MYO15B: variants seen among roughly 807,000 people sequenced by gnomAD.
The protein encoded by MYO15B is myosin XVB.
In MYO15B, 207 loss-of-function variants were observed where a neutral mutation model predicts 119.3. That is an observed-to-expected ratio of 1.73 (90% confidence interval 1.55 to 1.95). The LOEUF (loss-of-function observed/expected upper bound fraction) is 1.95, where lower values mean the gene tolerates loss of function less well. Among genes scored for constraint, MYO15B ranks in the 30% most tolerant of loss-of-function variants. MYO15B has a pLI of 0.00. For synonymous variants in MYO15B, 966 were observed against 498.9 expected, an observed-to-expected ratio of 1.94 and a Z score of -12.48; for missense variants, 2,264 against 1,203.1, an observed-to-expected ratio of 1.88 and a Z score of -13.04.
rs2059027024 is a variant in MYO15B at position 75,625,989 on chromosome 17, T to C, written c.9072+12T>C. ...ACCCCAGCTCCCAGGTGGGCACAGC[T>C]CTTGCCTCAGCACTGGCCTAGGGAC... On this transcript the variant is annotated intron_variant, in intron 62 of 63. Transcript: ENST00000645453. 1.4e-6 allele frequency: 1 copy of C among 700,792 alleles called. No homozygotes were observed. The highest frequency in any genetic ancestry group is 1.5e-5 in the South Asian group (1 of 67,546). The allele number at this position is 700,792 out of a possible 1,614,324, so 43.4% of individuals were successfully genotyped here.
At chr17:75,614,913 C>T (rs1270365175) in intron 32 of MYO15B, 48 bp from the exon 33 acceptor site, 3 of 702,838 alleles carry the variant, frequency 4.3e-6, no homozygotes, top group Admixed American at 2.0e-5. Flanking sequence ...CTGCCCCTTC[C>T]ATTTTTCTCA....
Position 75,589,757 on chromosome 17 carries a change from C to G in MYO15B, c.1700C>G (p.Ala567Gly), listed in dbSNP as rs1275386506. ...AGCCGCAGCTCTGAAGAAGCGTCCG[C>G]AGATGCCCCCACGGGGGAAGGCCGA... Residue 567 changes from alanine to glycine, a missense_variant, in exon 1 of 64, where the codon GCA becomes GGA. Physicochemically the swap from Ala to Gly is moderately conservative, Grantham distance 60. Coordinates refer to ENST00000645453, the Ensembl canonical transcript of MYO15B. The surrounding 1 kb of genome is among the most constrained non-coding windows in gnomAD (Gnocchi z 4.2). The G allele has an allele frequency of 2.5e-6, 1 of 398,374 alleles. No homozygotes were observed. Among genetic ancestry groups the G allele is most frequent in the African/African-American group, 2.1e-5 (1 of 48,486 alleles). 24.7% of individuals were successfully genotyped at this position (398,374 alleles called of 1,614,324 possible).
Position 75,612,953 on chromosome 17 carries a change from C to T in MYO15B, c.4732-21C>T, listed in dbSNP as rs112561424. The T allele has an allele frequency of 2.9e-4, 201 of 688,208 alleles. 2 individuals are homozygous for T. Among genetic ancestry groups the T allele is most frequent in the African/African-American group, 2.9e-3 (163 of 57,126 alleles). 42.6% of individuals were successfully genotyped at this position (688,208 alleles called of 1,614,324 possible). ...GCCTGGGAGCCCCGCACGTCCTGTC[C>T]TTACCCGGCTGTGTCGGCAGATGCT... On this transcript the variant is annotated intron_variant, in intron 26 of 63. Transcript: ENST00000645453.
chr17:75,612,853 A>C, exon 26 of MYO15B: 4 of 702,864 alleles, frequency 5.7e-6, no homozygotes, highest in Non-Finnish European at 1.0e-5. Context: ...ACCCAGCTGG[A>C]TGGAGACAAC....
intron 53 of MYO15B, among the ~76,000 whole-genome samples, chr17:75,622,529 A>C (rs1205282148): frequency 6.6e-6 from 1 of 152,226 alleles, no homozygotes; most frequent in Non-Finnish European, 1.5e-5. Flanking sequence ...CCAGGCCACC[A>C]CAGGCCTTGT....
chr17:75,603,178 G>T lies in MYO15B; in HGVS notation c.3892-10G>T. The T allele has an allele frequency of 2.8e-6, 2 of 703,064 alleles. No individual in the cohort carries two copies. Among genetic ancestry groups the T allele is most frequent in the Non-Finnish European group, 5.2e-6 (2 of 385,022 alleles). The allele number at this position is 703,064 out of a possible 1,614,324, so 43.6% of individuals were successfully genotyped here. ...CTCCAGCTGTCTTTGGCTCTGTCTT[G>T]TGGCCACAGCTTCCAGGCCTCTTTG... On this transcript the variant is annotated splice_polypyrimidine_tract_variant and intron_variant, in intron 18 of 63. Transcript: ENST00000645453.
At chr17:75,620,513 C>T (rs780760203) in exon 49 of MYO15B, 30 of 702,822 alleles carry the variant, frequency 4.3e-5, no homozygotes, top group African/African-American at 3.3e-4. Flanking sequence ...TCTTTCCTGC[C>T]GACATAGTGC....
chr17:75,615,248 G>T lies in MYO15B; in HGVS notation c.5650G>T (p.Gly1884Ter). The change falls in exon 34 of 64, where the codon GGA becomes TGA. Residue 1884 changes from glycine to a stop codon, truncating the protein, a stop_gained. Coordinates refer to ENST00000645453, the Ensembl canonical transcript of MYO15B. LOFTEE classifies it high-confidence loss of function. ...AGGGCGTGTTCCCTCAGTGTACCCAGGAATGATTCAGATGCCTGCATACCA... is the reference window on the plus strand; with the variant it reads ...AGGGCGTGTTCCCTCAGTGTACCCATGAATGATTCAGATGCCTGCATACCA... The T allele has an allele frequency of 1.4e-6, 1 of 702,538 alleles. No homozygotes were observed. The highest frequency in any genetic ancestry group is 2.7e-5 in the East Asian group (1 of 37,286). The allele number at this position is 702,538 out of a possible 1,614,324, so 43.5% of individuals were successfully genotyped here. A position where few individuals can be genotyped will look rare whatever the true frequency, so the allele number is the denominator to read the frequency against.
chr17:75,608,699 G>A (rs2057809993), intron 21 of MYO15B, among the ~76,000 whole-genome samples: 1 of 151,714 alleles, frequency 6.6e-6, no homozygotes, highest in Admixed American at 6.6e-5. Context: ...CTGGGATTAC[G>A]GGCATAGGCC....
Position 75,621,290 on chromosome 17 carries a change from G to A in MYO15B, c.7872-55G>A, listed in dbSNP as rs115767978. The A allele has an allele frequency of 1.3e-3, 886 of 671,300 alleles. 3 individuals are homozygous for A. Among genetic ancestry groups the A allele is most frequent in the African/African-American group, 0.013 (728 of 56,854 alleles). 41.6% of individuals were successfully genotyped at this position (671,300 alleles called of 1,614,324 possible). On this transcript the variant is annotated intron_variant, in intron 50 of 63. Coordinates refer to ENST00000645453, the Ensembl canonical transcript of MYO15B. ...TAGCACTCTCCCTGCCTGGCTGGCTGGGATGAAGGCAGGAGGGCCAAACAA... is the reference window on the plus strand; with the variant it reads ...TAGCACTCTCCCTGCCTGGCTGGCTAGGATGAAGGCAGGAGGGCCAAACAA...
intron 25 of MYO15B, 143 bp from the exon 26 acceptor site, chr17:75,612,655 C>T (rs1598851300): frequency 2.3e-5 from 13 of 567,830 alleles, no homozygotes; most frequent in African/African-American, 1.1e-4. Flanking sequence ...ACAGACAAGA[C>T]TCTGCCTCAA....
exon 50 of MYO15B, chr17:75,621,120 C>G: frequency 1.4e-6 from 1 of 702,830 alleles, no homozygotes; most frequent in South Asian, 1.5e-5. Context: ...TGCCCGACTC[C>G]CACAGCTACA....
exon 17 of MYO15B, chr17:75,602,898 C>T (rs1199569001): frequency 1.5e-6 from 1 of 687,854 alleles, no homozygotes; most frequent in Non-Finnish European, 2.7e-6. Context: ...CCACGCTGGC[C>T]TCTCGCTTCC....
At chr17:75,617,574 T>TCACAGAGACACATACCCGACAGCTC in intron 41 of MYO15B, 1 of 568,172 alleles carries the variant, frequency 1.8e-6, no homozygotes. Context: ...TGTGAGGAAG[T>TCACAGAGACACATACCCGACAGCTC]TAGTGGCCCT....
intron 4 of MYO15B, 38 bp from the exon 5 acceptor site, chr17:75,591,563 C>T: frequency 1.4e-6 from 1 of 702,440 alleles, no homozygotes; most frequent in Non-Finnish European, 2.6e-6. Context: ...GTCCTATGTG[C>T]CCCTCCCTGG....
chr17:75,626,242 C>T lies in MYO15B; in HGVS notation c.9213+14C>T, dbSNP rs1457082166. Reference sequence around the variant, plus strand: ...GAGCTGCCACAGGTGAGTGGCCAGGCCTCTGGCCACCTTGCGAAGGTGGAT... The same window carrying T: ...GAGCTGCCACAGGTGAGTGGCCAGGTCTCTGGCCACCTTGCGAAGGTGGAT... On this transcript the variant is annotated intron_variant, in intron 63 of 63. Transcript: ENST00000645453. 4.3e-6 allele frequency: 3 copies of T among 702,244 alleles called. No homozygotes were observed. The highest frequency in any genetic ancestry group is 5.4e-5 in the East Asian group (2 of 37,284). The allele number at this position is 702,244 out of a possible 1,614,324, so 43.5% of individuals were successfully genotyped here.
chr17:75,589,730 G>T lies in MYO15B; in HGVS notation c.1673G>T (p.Ser558Ile). The T allele has an allele frequency of 2.5e-6, 1 of 398,790 alleles. No homozygotes were observed. The highest frequency in any genetic ancestry group is 4.4e-6 in the Non-Finnish European group (1 of 226,046). 24.7% of individuals were successfully genotyped at this position (398,790 alleles called of 1,614,324 possible). A position where few individuals can be genotyped will look rare whatever the true frequency, so the allele number is the denominator to read the frequency against. Residue 558 changes from serine (S) to isoleucine (I), a missense_variant, in exon 1 of 64, where the codon AGC (serine) becomes ATC (isoleucine). Physicochemically the swap from Ser to Ile is moderately radical, Grantham distance 142. Coordinates refer to ENST00000645453, the Ensembl canonical transcript of MYO15B. This position sits in a 1 kb window ranked among gnomAD's most constrained non-coding sequence, Gnocchi z 4.2. ...ATCCACAGGGCAGGGCGGGCGTCGA[G>T]CAGCCGCAGCTCTGAAGAAGCGTCC...
chr17:75,626,668 C>A (rs2148199496), exon 64 of MYO15B, among the ~76,000 whole-genome samples: 1 of 152,372 alleles, frequency 6.6e-6, no homozygotes, highest in South Asian at 2.1e-4. Flanking sequence ...AAGAAAACAG[C>A]CAGACCCTCT....
At position 75,589,129 on chromosome 17, in the gene MYO15B, C is replaced by A. The variant is rs530929129; in HGVS notation, c.1072C>A (p.Pro358Thr). The change falls in exon 1 of 64, where the codon CCC becomes ACC. Residue 358 changes from proline (P) to threonine (T), a missense_variant. Pro to Thr is a conservative substitution (Grantham distance 38, BLOSUM62 -1). Coordinates refer to ENST00000645453, the Ensembl canonical transcript of MYO15B. This position sits in a 1 kb window ranked among gnomAD's most constrained non-coding sequence, Gnocchi z 4.2. ...AGGCGCCGCTTCCCAGGCCGTGGGCCCCCGCCGCGCTGGCCTCAAGGAGCG... is the reference window on the plus strand; with the variant it reads ...AGGCGCCGCTTCCCAGGCCGTGGGCACCCGCCGCGCTGGCCTCAAGGAGCG... The A allele has an allele frequency of 2.5e-4, 96 of 391,460 alleles. 1 individual carries two copies. The highest frequency in any genetic ancestry group is 1.9e-3 in the Middle Eastern group (3 of 1,546). The allele number at this position is 391,460 out of a possible 1,614,324, so 24.2% of individuals were successfully genotyped here. A position where few individuals can be genotyped will look rare whatever the true frequency, so the allele number is the denominator to read the frequency against.
Sources: gnomAD v4.1 joint callset for allele counts (sites outside exome capture counted in the v4.1 genomes callset) on GRCh38, gnomAD v4.1.1 for gene constraint, Gnocchi (gnomAD v3.1) non-coding constraint, MANE v1.5 for transcripts, NCBI Gene and HGNC (gene_info 2026-07-23, HGNC 2026-07-21) for gene names.